CTNND2: variants seen among roughly 807,000 people sequenced by gnomAD.
The protein encoded by CTNND2 is catenin delta 2.
CTNND2 carries 22 observed loss-of-function variants against 144.4 expected under a neutral mutation model. The observed-to-expected ratio is 0.15, with a 90% CI of 0.11 to 0.22. The LOEUF is 0.22. Ranked by LOEUF, CTNND2 falls within the 10% of genes least tolerant of loss-of-function variation. The probability of loss-of-function intolerance (pLI) is 1.00; values close to 1 mark genes in which losing one functional copy is unlikely to be tolerated. For synonymous variants in CTNND2, 751 were observed against 695.6 expected, an observed-to-expected ratio of 1.08 and a Z score of -1.25; for missense variants, 1,353 against 1,618.8, an observed-to-expected ratio of 0.84 and a Z score of 2.82.
chr5:11,267,566 G>A (rs577351377), intron 9 of CTNND2, among the ~76,000 whole-genome samples: 7 of 152,266 alleles, frequency 4.6e-5, no homozygotes, highest in African/African-American at 1.4e-4. Context: ...TCCCTTGTGT[G>A]GGGGCCTGTT....
chr5:11,453,011 T>C (rs1357024430), intron 3 of CTNND2, among the ~76,000 whole-genome samples: 1 of 152,192 alleles, frequency 6.6e-6, no homozygotes, highest in Non-Finnish European at 1.5e-5. Flanking sequence ...TATATTTGCC[T>C]CTCAGACTTT....
chr5:11,279,179 A>T (rs1455665503), intron 9 of CTNND2, among the ~76,000 whole-genome samples: 1 of 152,164 alleles, frequency 6.6e-6, no homozygotes, highest in African/African-American at 2.4e-5. Flanking sequence ...TTGATTTTAT[A>T]ACACCAATCC....
chr5:11,689,424 ATACTT>A (rs1307993301), intron 2 of CTNND2, among the ~76,000 whole-genome samples: 22 of 152,346 alleles, frequency 1.4e-4, no homozygotes, highest in Middle Eastern at 3.4e-3. Flanking sequence ...AAATTAAATA[ATACTT>A]TACTTTATAA....
At chr5:11,494,382 T>G (rs1428045479) in intron 3 of CTNND2, among the ~76,000 whole-genome samples, 4 of 152,136 alleles carry the variant, frequency 2.6e-5, no homozygotes, top group Admixed American at 6.6e-5. Context: ...ACTGCATTCG[T>G]CTGTTTACAA....
Position 11,647,954 on chromosome 5 carries a change from AC to A in CTNND2, c.175-82899del, listed in dbSNP as rs1782448902. Among the ~76,000 whole-genome samples the A allele has an allele frequency of 5.3e-5, 8 of 152,320 alleles. No individual in the cohort carries two copies. The South Asian group carries it at 1.7e-3, about 32-fold the overall frequency. Reference sequence around the variant, plus strand: ...CGGACAGAGTCACGGACAGACATAGACAAAGGAGCAGGCTTGCTTGGCTAAA... The same window carrying A: ...CGGACAGAGTCACGGACAGACATAGAAAAGGAGCAGGCTTGCTTGGCTAAA... On this transcript the variant is annotated intron_variant, in intron 2 of 21. Coordinates refer to ENST00000304623, the MANE Select transcript of CTNND2 (RefSeq NM_001332.4).
intron 3 of CTNND2, among the ~76,000 whole-genome samples, chr5:11,449,687 C>G (rs972647611): frequency 6.6e-6 from 1 of 152,108 alleles, no homozygotes; most frequent in African/African-American, 2.4e-5. Context: ...ATGAAAGAAT[C>G]CTGATTTCTT....
chr5:11,619,594 A>G (rs979240974), intron 2 of CTNND2, among the ~76,000 whole-genome samples: 1 of 152,130 alleles, frequency 6.6e-6, no homozygotes, highest in African/African-American at 2.4e-5. Context: ...CACTCTCTAC[A>G]TGGGTTGTAA....
At chr5:11,599,943 T>G (rs1310180127) in intron 2 of CTNND2, among the ~76,000 whole-genome samples, 1 of 152,152 alleles carries the variant, frequency 6.6e-6, no homozygotes, top group Non-Finnish European at 1.5e-5. Context: ...GAATCCGAGT[T>G]AAGAAGTGCC....
At chr5:11,649,696 A>G (rs1421991868) in intron 2 of CTNND2, among the ~76,000 whole-genome samples, 1 of 152,208 alleles carries the variant, frequency 6.6e-6, no homozygotes, top group Non-Finnish European at 1.5e-5. Context: ...ACACTGTTGA[A>G]TACTGTCTTC....
In CTNND2 at chr5:11,899,750, G is replaced by T. The variant is rs143456015; in HGVS notation, c.37+4067C>A. ...CTTTATCCTCAAAGAAATCTTTTAA[G>T]ATATTGTGTCTTATTCTACCCATTT... On this transcript the variant is annotated intron_variant, in intron 1 of 21. Coordinates refer to ENST00000304623, the MANE Select transcript of CTNND2 (RefSeq NM_001332.4). Among the ~76,000 whole-genome samples the T allele has an allele frequency of 6.1e-3, 925 of 152,208 alleles. 6 individuals are homozygous for T. Among genetic ancestry groups the T allele is most frequent in the Middle Eastern group, 0.01 (3 of 294 alleles).
intron 1 of CTNND2, among the ~76,000 whole-genome samples, chr5:11,803,610 C>T (rs1341379729): frequency 6.6e-6 from 1 of 152,132 alleles, no homozygotes; most frequent in Non-Finnish European, 1.5e-5. Context: ...AGGAAGTGAA[C>T]CCTCTGCCTG....
At chr5:11,414,229 G>A (rs191891079) in intron 3 of CTNND2, among the ~76,000 whole-genome samples, 1 of 152,276 alleles carries the variant, frequency 6.6e-6, no homozygotes, top group East Asian at 1.9e-4. Flanking sequence ...TGTAGGGAAT[G>A]CAGCCCTGCT....
chr5:11,702,578 T>C lies in CTNND2; in HGVS notation c.174+29558A>G, dbSNP rs942073385. On this transcript the variant is annotated intron_variant, in intron 2 of 21. Transcript: ENST00000304623. Reference sequence around the variant, plus strand: ...ACTGTCCCTCTTATCTTTCTTCTTCTACCCAGAATTGCAAAGACAATTACA... The same window carrying C: ...ACTGTCCCTCTTATCTTTCTTCTTCCACCCAGAATTGCAAAGACAATTACA... 1.6e-4 allele frequency among the ~76,000 whole-genome samples: 24 copies of C among 152,138 alleles called. 1 individual carries two copies. The highest frequency in any genetic ancestry group is 5.8e-4 in the African/African-American group (24 of 41,448).
At chr5:11,801,279 G>A (rs1050485597) in intron 1 of CTNND2, among the ~76,000 whole-genome samples, 2 of 152,128 alleles carry the variant, frequency 1.3e-5, no homozygotes, top group African/African-American at 4.8e-5. Context: ...GTAATAATGA[G>A]CAAACTCTTA....
At chr5:11,161,603 T>A (rs1031772635) in intron 11 of CTNND2, among the ~76,000 whole-genome samples, 5 of 152,196 alleles carry the variant, frequency 3.3e-5, no homozygotes, top group Non-Finnish European at 5.9e-5. Context: ...GTAAAATAAT[T>A]GATTTTGCAG....
At chr5:11,427,652 C>T (rs951985543) in intron 3 of CTNND2, among the ~76,000 whole-genome samples, 13 of 152,084 alleles carry the variant, frequency 8.5e-5, no homozygotes, top group Non-Finnish European at 5.9e-5. Context: ...GTGAACATGA[C>T]TGACCTCAAA....
chr5:11,545,588 A>G (rs938956643), intron 3 of CTNND2, among the ~76,000 whole-genome samples: 2 of 141,726 alleles, frequency 1.4e-5, no homozygotes, highest in African/African-American at 5.3e-5. Context: ...GCTTGAACCC[A>G]GGAGGCAAAG....
intron 3 of CTNND2, among the ~76,000 whole-genome samples, chr5:11,438,970 T>C (rs16901645): frequency 0.15 from 23,492 of 151,936 alleles, 2,816 homozygotes; most frequent in African/African-American, 0.34. Context: ...TGTCTTAAAG[T>C]ACCTTTGAGT....
intron 10 of CTNND2, among the ~76,000 whole-genome samples, chr5:11,200,665 C>T (rs1737328629): frequency 6.6e-6 from 1 of 151,930 alleles, no homozygotes; most frequent in Non-Finnish European, 1.5e-5. Context: ...TTTCTTTTCT[C>T]TTTCTTTCTT....
Sources: gnomAD v4.1 joint callset for allele counts (sites outside exome capture counted in the v4.1 genomes callset) on GRCh38, gnomAD v4.1.1 for gene constraint, MANE v1.5 for transcripts, NCBI Gene and HGNC (gene_info 2026-07-23, HGNC 2026-07-21) for gene names.